ATG4C: variants seen among roughly 807,000 people sequenced by gnomAD.
ATG4C encodes cysteine protease ATG4C.
In ATG4C, 56 loss-of-function variants were observed where a neutral mutation model predicts 57.6. The ratio of observed to expected loss-of-function variants is 0.97; its 90% CI spans 0.78 to 1.21. ATG4C has a LOEUF of 1.21. Among genes scored for constraint, ATG4C ranks in the 50% most tolerant of loss-of-function variants. The pLI, the probability that ATG4C is intolerant of heterozygous loss-of-function variation, is 0.00. For synonymous variants in ATG4C, 157 were observed against 174.1 expected, an observed-to-expected ratio of 0.90 and a Z score of 0.78; for missense variants, 595 against 529.8, an observed-to-expected ratio of 1.12 and a Z score of -1.21.
At chr1:62,830,470 G>A (rs1665807108) in intron 7 of ATG4C, among the ~76,000 whole-genome samples, 1 of 152,092 alleles carries the variant, frequency 6.6e-6, no homozygotes, top group Non-Finnish European at 1.5e-5. Context: ...CTTCATTCCT[G>A]GTGGAATGGG....
At chr1:62,859,759 A>C (rs910059403) in intron 10 of ATG4C, among the ~76,000 whole-genome samples, 1 of 151,784 alleles carries the variant, frequency 6.6e-6, no homozygotes, top group Admixed American at 6.6e-5. Context: ...GCAGTGGTGC[A>C]ATCTTGACTG....
At chr1:62,790,273 A>G (rs1040114162) in intron 1 of ATG4C, among the ~76,000 whole-genome samples, 8 of 152,144 alleles carry the variant, frequency 5.3e-5, no homozygotes, top group East Asian at 1.9e-4. Flanking sequence ...CAAATTCAAC[A>G]CTGCAGAGTT....
chr1:62,815,846 G>C (rs922087481), intron 3 of ATG4C, among the ~76,000 whole-genome samples: 9 of 152,118 alleles, frequency 5.9e-5, no homozygotes, highest in Admixed American at 6.6e-5. Flanking sequence ...CACCATGCCT[G>C]GTTAATTTTT....
At chr1:62,834,639 G>A in intron 8 of ATG4C, 137 bp from the exon 9 acceptor site, 2 of 651,136 alleles carry the variant, frequency 3.1e-6, no homozygotes, top group Non-Finnish European at 2.7e-6. Context: ...GCAAACCTAT[G>A]TTTCAGTCAA....
intron 1 of ATG4C, among the ~76,000 whole-genome samples, chr1:62,789,677 C>A (rs1664205238): frequency 6.6e-6 from 1 of 151,884 alleles, no homozygotes; most frequent in Admixed American, 6.5e-5. Flanking sequence ...ATGAGCCGGG[C>A]GTGGTGGCGG....
rs183634447 is a variant in ATG4C at position 62,834,116 on chromosome 1, G to T, written c.1012G>T (p.Asp338Tyr). Residue 338 changes from aspartate (D) to tyrosine (Y), a missense_variant and splice_region_variant, in exon 8 of 11, where the codon GAT becomes TAT. Coordinates refer to ENST00000317868, the MANE Select transcript of ATG4C (RefSeq NM_032852.4). The part of the protein sequence containing the change: ...KQSYYFAGFQ[D>Y]DSLIYMDPHY... ...GTCATATTACTTTGCTGGATTTCAAGGTTAGTGATTTAGTAAAATATATTT... is the reference window on the plus strand; with the variant it reads ...GTCATATTACTTTGCTGGATTTCAATGTTAGTGATTTAGTAAAATATATTT... 3.1e-6 allele frequency: 5 copies of T among 1,610,570 alleles called. No homozygotes were observed. In the East Asian group the frequency reaches 6.7e-5, roughly 22 times the overall value.
At chr1:62,844,166 A>G (rs889730517) in intron 10 of ATG4C, among the ~76,000 whole-genome samples, 26 of 152,172 alleles carry the variant, frequency 1.7e-4, no homozygotes, top group Admixed American at 8.5e-4. Context: ...TACTGCCTGA[A>G]TCAAAATCCC....
At chr1:62,831,695 C>G (rs1242440003) in intron 7 of ATG4C, among the ~76,000 whole-genome samples, 1 of 152,024 alleles carries the variant, frequency 6.6e-6, no homozygotes, top group Non-Finnish European at 1.5e-5. Context: ...AAATTTTCAC[C>G]ACTAGAAAAA....
chr1:62,822,699 T>C (rs1351325085), intron 6 of ATG4C, among the ~76,000 whole-genome samples: 1 of 152,230 alleles, frequency 6.6e-6, no homozygotes, highest in East Asian at 1.9e-4. Context: ...CCAGACTCTA[T>C]CAGTGATTTC....
chr1:62,806,983 G>GA (rs780142743), intron 3 of ATG4C, among the ~76,000 whole-genome samples: 3 of 152,184 alleles, frequency 2.0e-5, no homozygotes, highest in Non-Finnish European at 4.4e-5. Flanking sequence ...AGAGAGGTAG[G>GA]AGATGGGGTA....
chr1:62,855,717 T>G lies in ATG4C; in HGVS notation c.1210-8275T>G, dbSNP rs79143824. Among the ~76,000 whole-genome samples the G allele has an allele frequency of 8.1e-4, 124 of 152,354 alleles. 4 individuals carry two copies. In the East Asian group the frequency reaches 0.024, roughly 29 times the overall value. ...CCAAACCTTCTGAGATACGTACTTT[T>G]GTCTCCATTTTACAGATAAGGAATC... is the stretch of plus-strand genomic sequence containing the variant. On this transcript the variant is annotated intron_variant, in intron 10 of 10. Transcript: ENST00000317868.
intron 3 of ATG4C, among the ~76,000 whole-genome samples, chr1:62,811,258 A>G (rs577854685): frequency 2.6e-4 from 39 of 152,346 alleles, no homozygotes; most frequent in Admixed American, 5.9e-4. Context: ...TTTAATTTCT[A>G]GTAATATTAG....
At chr1:62,856,206 A>G (rs1557995691) in intron 10 of ATG4C, among the ~76,000 whole-genome samples, 1 of 152,220 alleles carries the variant, frequency 6.6e-6, no homozygotes, top group Admixed American at 6.5e-5. Context: ...ATGTTCACCT[A>G]GAGGTCCTCC....
At chr1:62,839,995 G>A (rs1421570935) in intron 9 of ATG4C, among the ~76,000 whole-genome samples, 1 of 152,174 alleles carries the variant, frequency 6.6e-6, no homozygotes, top group Admixed American at 6.5e-5. Context: ...TGTACAGGGA[G>A]AGAAAGAGTG....
chr1:62,797,194 A>G (rs1194945535), intron 1 of ATG4C, among the ~76,000 whole-genome samples: 1 of 152,204 alleles, frequency 6.6e-6, no homozygotes, highest in African/African-American at 2.4e-5. Flanking sequence ...ATATGTATAT[A>G]CATATATGAT....
chr1:62,810,526 T>C (rs1665047713), intron 3 of ATG4C, among the ~76,000 whole-genome samples: 1 of 152,198 alleles, frequency 6.6e-6, no homozygotes, highest in South Asian at 2.1e-4. Flanking sequence ...CAACCAATTA[T>C]CTTTTGATGC....
intron 10 of ATG4C, among the ~76,000 whole-genome samples, chr1:62,855,525 G>A (rs1411230729): frequency 6.6e-6 from 1 of 151,790 alleles, no homozygotes; most frequent in Admixed American, 6.6e-5. Flanking sequence ...TTTGATTATG[G>A]AATGCATATC....
intron 4 of ATG4C, 107 bp from the exon 5 acceptor site, chr1:62,818,898 A>C: frequency 1.2e-6 from 1 of 859,882 alleles, no homozygotes; most frequent in East Asian, 2.7e-5. Context: ...TTTTGAATTT[A>C]CTGTCTTAGT....
At chr1:62,808,970 C>T (rs1346300686) in intron 3 of ATG4C, among the ~76,000 whole-genome samples, 2 of 152,074 alleles carry the variant, frequency 1.3e-5, no homozygotes, top group African/African-American at 2.4e-5. Flanking sequence ...TGCTCTGTTA[C>T]CCAGGCTGGA....
Sources: gnomAD v4.1 joint callset for allele counts (sites outside exome capture counted in the v4.1 genomes callset) on GRCh38, gnomAD v4.1.1 for gene constraint, MANE v1.5 for transcripts, NCBI Gene and HGNC (gene_info 2026-07-23, HGNC 2026-07-21) for gene names.